The following TMTC2 variants were observed in gnomAD, a reference collection of about 807,000 sequenced individuals.
TMTC2 encodes the protein protein O-mannosyl-transferase TMTC2.
TMTC2 carries 43 observed loss-of-function variants against 82.4 expected under a neutral mutation model. That is an observed-to-expected ratio of 0.52 (90% CI 0.41 to 0.67). TMTC2 has a LOEUF of 0.67. TMTC2 is among the 30% of genes least tolerant of loss of function. The pLI is 0.00. For missense variants in TMTC2, 919 were observed against 1,012.4 expected, an observed-to-expected ratio of 0.91 and a Z score of 1.25; for synonymous variants, 408 against 381.9, an observed-to-expected ratio of 1.07 and a Z score of -0.80.
intron 8 of TMTC2, 39 bp from the exon 9 acceptor site, chr12:83,030,759 G>T (rs1881396066): frequency 2.0e-6 from 3 of 1,486,110 alleles, no homozygotes; most frequent in Non-Finnish European, 2.8e-6. Context: ...AATCCCTCAT[G>T]ATCTGTTCCT....
chr12:82,796,065 A>G (rs1005242204), intron 1 of TMTC2, among the ~76,000 whole-genome samples: 1 of 152,176 alleles, frequency 6.6e-6, no homozygotes, highest in East Asian at 1.9e-4. Context: ...CCAGCCACAT[A>G]GATGGCACTC....
chr12:83,089,018 A>G (rs77571439), intron 11 of TMTC2, among the ~76,000 whole-genome samples: 8,036 of 152,246 alleles, frequency 0.053, 339 homozygotes, highest in East Asian at 0.22. Context: ...GTCATATCTC[A>G]TACTTCCTTG....
chr12:83,002,383 T>G (rs969318862), intron 8 of TMTC2, among the ~76,000 whole-genome samples: 1 of 152,200 alleles, frequency 6.6e-6, no homozygotes, highest in African/African-American at 2.4e-5. Flanking sequence ...TCAACTTTGT[T>G]TATTCTTTCA....
intron 1 of TMTC2, among the ~76,000 whole-genome samples, chr12:82,847,920 A>G (rs1266226282): frequency 6.6e-6 from 1 of 152,126 alleles, no homozygotes; most frequent in African/African-American, 2.4e-5. Context: ...CGTTGTGCAC[A>G]TGTACCCTAG....
In TMTC2 at chr12:82,791,171, T is replaced by C. The variant is rs77919727; in HGVS notation, c.84-65839T>C. Among the ~76,000 whole-genome samples, 155 of 152,264 alleles carry C rather than the reference T, an allele frequency of 1.0e-3. 5 individuals carry two copies. The East Asian group carries it at 0.024, about 23-fold the overall frequency. ...TTTGAGAAAAATTATATTCCCATAC[T>C]ATGTAATTCCAATTCTTGAGCTTTT... is the stretch of plus-strand genomic sequence containing the variant. On this transcript the variant is annotated intron_variant, in intron 1 of 11. Transcript: ENST00000321196.
At chr12:82,766,490 G>A (rs978654638) in intron 1 of TMTC2, among the ~76,000 whole-genome samples, 16 of 152,302 alleles carry the variant, frequency 1.1e-4, no homozygotes, top group African/African-American at 3.6e-4. Context: ...TAGGCACACT[G>A]TTTTGTCTTA....
chr12:83,090,074 T>C (rs1000304375), intron 11 of TMTC2, among the ~76,000 whole-genome samples: 1 of 152,160 alleles, frequency 6.6e-6, no homozygotes, highest in African/African-American at 2.4e-5. Flanking sequence ...AATAATGAGG[T>C]CAGAAAGGGT....
At chr12:82,981,884 G>T (rs1360934789) in intron 7 of TMTC2, among the ~76,000 whole-genome samples, 2 of 151,652 alleles carry the variant, frequency 1.3e-5, no homozygotes, top group African/African-American at 4.8e-5. Flanking sequence ...TGCACTGATG[G>T]TACTTTTTCC....
intron 8 of TMTC2, among the ~76,000 whole-genome samples, chr12:83,028,282 G>A (rs1192367895): frequency 1.3e-5 from 2 of 152,106 alleles, no homozygotes; most frequent in Non-Finnish European, 2.9e-5. Context: ...TATCACATCA[G>A]ATAAATCAGA....
At chr12:82,876,240 C>T (rs1018343147) in intron 2 of TMTC2, among the ~76,000 whole-genome samples, 13 of 148,736 alleles carry the variant, frequency 8.7e-5, no homozygotes, top group Non-Finnish European at 3.0e-5. Context: ...TTGACTTTGG[C>T]AGGTGGTAGT....
chr12:83,095,230 G>GTT (rs372668283), intron 11 of TMTC2, among the ~76,000 whole-genome samples: 1 of 126,272 alleles, frequency 7.9e-6, no homozygotes. Flanking sequence ...TTTTTTTTTT[G>GTT]TTTTTTTTTT....
chr12:83,112,397 T>C (rs969985535), intron 11 of TMTC2, among the ~76,000 whole-genome samples: 90 of 152,302 alleles, frequency 5.9e-4, no homozygotes, highest in African/African-American at 2.0e-3. Context: ...AAGAAATTAC[T>C]ATTTAATTTC....
chr12:82,716,386 C>T (rs1171067497), intron 1 of TMTC2, among the ~76,000 whole-genome samples: 5 of 135,376 alleles, frequency 3.7e-5, no homozygotes, highest in African/African-American at 1.4e-4. Context: ...TTTTTTGAGA[C>T]GGAGTCTCGC....
chr12:82,720,767 G>A (rs533202314), intron 1 of TMTC2, among the ~76,000 whole-genome samples: 9 of 152,128 alleles, frequency 5.9e-5, no homozygotes, highest in Admixed American at 3.9e-4. Flanking sequence ...ATGCTATCTC[G>A]TTGTTTTATG....
intron 1 of TMTC2, among the ~76,000 whole-genome samples, chr12:82,803,069 G>A (rs140757838): frequency 6.6e-6 from 1 of 152,288 alleles, no homozygotes; most frequent in East Asian, 1.9e-4. Context: ...TGACTCCCAT[G>A]TTTTGATCCA....
chr12:82,727,101 C>T (rs967233900), intron 1 of TMTC2, among the ~76,000 whole-genome samples: 2 of 150,558 alleles, frequency 1.3e-5, no homozygotes, highest in African/African-American at 4.9e-5. Context: ...AACTTTAAAA[C>T]TAATTGAAAA....
At chr12:82,962,016 A>G (rs1205026733) in intron 4 of TMTC2, among the ~76,000 whole-genome samples, 4 of 152,054 alleles carry the variant, frequency 2.6e-5, no homozygotes, top group Non-Finnish European at 4.4e-5. Flanking sequence ...GACTCACAGT[A>G]TATATATATT....
At chr12:82,927,432 GAA>G (rs1281318010) in intron 3 of TMTC2, among the ~76,000 whole-genome samples, 1 of 152,180 alleles carries the variant, frequency 6.6e-6, no homozygotes, top group Non-Finnish European at 1.5e-5. Context: ...GATGAGCAAA[GAA>G]AGTGGTTTCT....
chr12:82,954,908 C>T (rs1387811583), intron 4 of TMTC2, among the ~76,000 whole-genome samples: 7 of 152,040 alleles, frequency 4.6e-5, no homozygotes, highest in Non-Finnish European at 1.0e-4. Context: ...TTTCTTTTAC[C>T]TTTGTGAAAA....
Sources: gnomAD v4.1 joint callset for allele counts (sites outside exome capture counted in the v4.1 genomes callset) on GRCh38, gnomAD v4.1.1 for gene constraint, MANE v1.5 for transcripts, NCBI Gene and HGNC (gene_info 2026-07-23, HGNC 2026-07-21) for gene names.